AGAP1: variants seen among roughly 807,000 people sequenced by gnomAD.
The protein encoded by AGAP1 is ArfGAP with GTPase domain, ankyrin repeat and PH domain 1.
A neutral mutation model predicts 105.3 loss-of-function variants in AGAP1; 29 were observed. The observed-to-expected ratio is 0.28, with a 90% CI of 0.21 to 0.38. The LOEUF (loss-of-function observed/expected upper bound fraction) is 0.38, where lower values mean the gene tolerates loss of function less well. Among genes scored for constraint, AGAP1 ranks in the 10% least tolerant of loss-of-function variants. The pLI is 1.00. For synonymous variants in AGAP1, 509 were observed against 485.9 expected (o/e 1.05, Z -0.63); for missense variants, 998 against 1,165.1 (o/e 0.86, Z 2.09).
rs77448725 is a variant in AGAP1, at chr2:235,659,465, C to T, written c.164-49714C>T. 3.9e-3 allele frequency among the ~76,000 whole-genome samples: 595 copies of T among 152,316 alleles called. 3 individuals carry two copies. Among genetic ancestry groups the T allele is most frequent in the African/African-American group, 0.013 (542 of 41,570 alleles). On this transcript the variant is annotated intron_variant, in intron 1 of 17. Coordinates refer to ENST00000304032, the MANE Select transcript of AGAP1 (RefSeq NM_001037131.3). This position sits in a 1 kb window ranked among gnomAD's most constrained non-coding sequence, Gnocchi z 5.0. Reference sequence around the variant, plus strand: ...CTGTCACCTTTTTCAAAATTTCCAACAACTGTGGCTTCTTGGGAAATCCTT... The same window carrying T: ...CTGTCACCTTTTTCAAAATTTCCAATAACTGTGGCTTCTTGGGAAATCCTT...
chr2:235,812,564 C>T (rs1466977230), intron 9 of AGAP1, among the ~76,000 whole-genome samples: 5 of 152,254 alleles, frequency 3.3e-5, no homozygotes, highest in Admixed American at 3.3e-4. Flanking sequence ...TTAACAGCTC[C>T]TGAAACTTTG....
chr2:235,813,348 C>T lies in AGAP1; in HGVS notation c.1050+6017C>T, dbSNP rs139922889. Among the ~76,000 whole-genome samples the T allele has an allele frequency of 2.9e-3, 435 of 152,354 alleles. 2 individuals carry two copies. The highest frequency in any genetic ancestry group is 0.02 in the East Asian group (103 of 5,180). On this transcript the variant is annotated intron_variant, in intron 9 of 17. Transcript: ENST00000304032. ...GGCCGTGAGGGTTGCATGAGGGTGACAGGAAGTAGTGTAGCCCTAGGTGCA... is the reference window on the plus strand; with the variant it reads ...GGCCGTGAGGGTTGCATGAGGGTGATAGGAAGTAGTGTAGCCCTAGGTGCA...
intron 1 of AGAP1, among the ~76,000 whole-genome samples, chr2:235,546,593 G>T (rs1409400416): frequency 2.0e-5 from 3 of 152,164 alleles, no homozygotes; most frequent in African/African-American, 7.2e-5. Context: ...TTTCTTAGCA[G>T]CTAGTGGTGA....
At chr2:235,715,051 C>T (rs1951031220) in intron 2 of AGAP1, among the ~76,000 whole-genome samples, 1 of 151,272 alleles carries the variant, frequency 6.6e-6, no homozygotes, top group Non-Finnish European at 1.5e-5. Flanking sequence ...CCCGCTTCGG[C>T]CCCCCAAAGT....
intron 1 of AGAP1, among the ~76,000 whole-genome samples, chr2:235,661,431 GCTCTGAAGTCATGGCTGGAGGC>G (rs1487445488): frequency 6.6e-6 from 1 of 151,622 alleles, no homozygotes; most frequent in African/African-American, 2.4e-5. Context: ...CATTGAGGGA[GCTCTGAAGTCATGGCTGGAGGC>G]CATCCTACTG....
intron 9 of AGAP1, among the ~76,000 whole-genome samples, chr2:235,839,999 T>C (rs1044248777): frequency 6.6e-6 from 1 of 152,220 alleles, no homozygotes; most frequent in Non-Finnish European, 1.5e-5. Context: ...TGAAATAATT[T>C]ATGAGGAAAA....
intron 9 of AGAP1, among the ~76,000 whole-genome samples, chr2:235,817,151 CA>C (rs1958504416): frequency 6.6e-6 from 1 of 152,114 alleles, no homozygotes; most frequent in African/African-American, 2.4e-5. Context: ...TTAGAAACAG[CA>C]ACCGTGGAAC....
chr2:235,927,804 T>C lies in AGAP1; in HGVS notation c.1325-2961T>C, dbSNP rs1055145405. ...GGAGAAGGAGCAAGAGAAGCGGTGC[T>C]CTATTGAGTGCCATGTTGTCATCGT... On this transcript the variant is annotated intron_variant, in intron 11 of 17. Coordinates refer to ENST00000304032, the MANE Select transcript of AGAP1 (RefSeq NM_001037131.3). The surrounding 1 kb of genome is among the most constrained non-coding windows in gnomAD (Gnocchi z 4.4). Among the ~76,000 whole-genome samples, 2 of 152,178 alleles carry C rather than the reference T, an allele frequency of 1.3e-5. No individual in the cohort carries two copies. The highest frequency in any genetic ancestry group is 6.5e-5 in the Admixed American group (1 of 15,280).
In AGAP1 at chr2:235,724,159, C is replaced by G. The variant is rs926400099; in HGVS notation, c.310+6515C>G. 6.6e-6 allele frequency among the ~76,000 whole-genome samples: 1 copy of G among 152,254 alleles called. No individual in the cohort carries two copies. The highest frequency in any genetic ancestry group is 1.5e-5 in the Non-Finnish European group (1 of 68,052). On this transcript the variant is annotated intron_variant, in intron 3 of 17. Transcript: ENST00000304032. The surrounding 1 kb of genome is among the most constrained non-coding windows in gnomAD (Gnocchi z 4.9). Reference sequence around the variant, plus strand: ...TGGAATCTGGAGTTTCTGACTGATTCTTAACCAACTCAAAATTTTAGGCAG... The same window carrying G: ...TGGAATCTGGAGTTTCTGACTGATTGTTAACCAACTCAAAATTTTAGGCAG...
intron 9 of AGAP1, among the ~76,000 whole-genome samples, chr2:235,852,408 G>GA (rs1456119790): frequency 5.9e-5 from 9 of 152,204 alleles, no homozygotes; most frequent in Admixed American, 5.9e-4. Flanking sequence ...AAAGGGGGGG[G>GA]AACCCCGAAA....
chr2:235,758,141 C>T (rs188797516), intron 6 of AGAP1, among the ~76,000 whole-genome samples: 8 of 150,368 alleles, frequency 5.3e-5, no homozygotes, highest in South Asian at 2.1e-4. Flanking sequence ...TGTGTGCATG[C>T]GTGCATGTGT....
rs896851884 is a variant in AGAP1, at chr2:235,586,266, C to G, written c.163+91417C>G. Among the ~76,000 whole-genome samples the G allele has an allele frequency of 6.6e-6, 1 of 152,136 alleles. No individual in the cohort carries two copies. Among genetic ancestry groups the G allele is most frequent in the Non-Finnish European group, 1.5e-5 (1 of 68,030 alleles). On this transcript the variant is annotated intron_variant, in intron 1 of 17. Coordinates refer to ENST00000304032, the MANE Select transcript of AGAP1 (RefSeq NM_001037131.3). The surrounding 1 kb of genome is among the most constrained non-coding windows in gnomAD (Gnocchi z 4.2). ...ATCCAGAAGAGAGGAGAGAGAAGCCCGCTGCACTCTCCACTGACCAGACCA... is the reference window on the plus strand; with the variant it reads ...ATCCAGAAGAGAGGAGAGAGAAGCCGGCTGCACTCTCCACTGACCAGACCA...
At chr2:235,975,940 G>A (rs1395446617) in intron 13 of AGAP1, among the ~76,000 whole-genome samples, 2 of 152,202 alleles carry the variant, frequency 1.3e-5, no homozygotes, top group Non-Finnish European at 2.9e-5. Flanking sequence ...CAAACCACTG[G>A]TTAGTGCATC....
At chr2:235,881,193 T>C (rs2050006085) in intron 9 of AGAP1, among the ~76,000 whole-genome samples, 1 of 152,174 alleles carries the variant, frequency 6.6e-6, no homozygotes, top group Non-Finnish European at 1.5e-5. Flanking sequence ...ATCTAGTAAA[T>C]AAAAAACAGT....
rs1944003244 is a variant in AGAP1, at chr2:235,557,228, T to G, written c.163+62379T>G. On this transcript the variant is annotated intron_variant, in intron 1 of 17. Transcript: ENST00000304032. This position sits in a 1 kb window ranked among gnomAD's most constrained non-coding sequence, Gnocchi z 4.7. The stretch of plus-strand genomic sequence containing the variant: ...AAGCCCTGGGAACTGCCACTTGGAA[T>G]GAGAGGGGAAGGCTGGAACTGAGCT... 6.6e-6 allele frequency among the ~76,000 whole-genome samples: 1 copy of G among 152,004 alleles called. No individual in the cohort carries two copies. Among genetic ancestry groups the G allele is most frequent in the Non-Finnish European group, 1.5e-5 (1 of 67,990 alleles).
chr2:235,873,059 A>G (rs1347349990), intron 9 of AGAP1, among the ~76,000 whole-genome samples: 1 of 152,168 alleles, frequency 6.6e-6, no homozygotes, highest in African/African-American at 2.4e-5. Flanking sequence ...GGCAGCTCTC[A>G]CTGCTGAGAC....
intron 13 of AGAP1, among the ~76,000 whole-genome samples, chr2:235,999,075 T>C (rs1210196112): frequency 6.9e-6 from 1 of 144,544 alleles, no homozygotes; most frequent in Non-Finnish European, 1.5e-5. Flanking sequence ...TGGTGACCAA[T>C]ATGGTATGGT....
At position 235,879,309 on chromosome 2, in the gene AGAP1, C is replaced by T. The variant is rs1175315303; in HGVS notation, c.1051-4036C>T. ...CTGCCCCAGCCCAGCTAGACCACAG[C>T]CATGACATGGCAAGCGGGGCAGCCA... On this transcript the variant is annotated intron_variant, in intron 9 of 17. Coordinates refer to ENST00000304032, the MANE Select transcript of AGAP1 (RefSeq NM_001037131.3). The surrounding 1 kb of genome is among the most constrained non-coding windows in gnomAD (Gnocchi z 5.0). 5.9e-5 allele frequency among the ~76,000 whole-genome samples: 9 copies of T among 152,296 alleles called. No individual in the cohort carries two copies. Among genetic ancestry groups the T allele is most frequent in the Non-Finnish European group, 1.2e-4 (8 of 68,026 alleles).
chr2:235,625,998 C>T lies in AGAP1; in HGVS notation c.164-83181C>T, dbSNP rs1946623981. On this transcript the variant is annotated intron_variant, in intron 1 of 17. Transcript: ENST00000304032. The surrounding 1 kb of genome is among the most constrained non-coding windows in gnomAD (Gnocchi z 4.0). ...ATGCACAGGCATTTGCTGCTGTATC[C>T]TATGAGCGAAAAATTGGGAAGTGTG... Among the ~76,000 whole-genome samples the T allele has an allele frequency of 6.6e-6, 1 of 152,086 alleles. No homozygotes were observed. Among genetic ancestry groups the T allele is most frequent in the African/African-American group, 2.4e-5 (1 of 41,388 alleles).
Sources: allele counts gnomAD v4.1 joint callset (sites outside exome capture counted in the v4.1 genomes callset), GRCh38; gene constraint gnomAD v4.1.1; non-coding constraint Gnocchi (gnomAD v3.1); transcripts MANE v1.5; gene names NCBI Gene and HGNC (gene_info 2026-07-23, HGNC 2026-07-21).